SLC44A1: variants seen among roughly 807,000 people sequenced by gnomAD.
SLC44A1 encodes choline transporter-like protein 1.
A neutral mutation model predicts 79.3 loss-of-function variants in SLC44A1; 26 were observed. The observed-to-expected ratio is 0.33, with a 90% CI of 0.24 to 0.46. SLC44A1 has a LOEUF of 0.46. Among genes scored for constraint, SLC44A1 ranks in the 20% least tolerant of loss-of-function variants. The pLI is 1.00. For synonymous variants in SLC44A1, 263 were observed against 286.2 expected (o/e 0.92, Z 0.82); for missense variants, 688 against 798.1 (o/e 0.86, Z 1.66).
At chr9:105,289,346 T>C (rs180687085) in intron 1 of SLC44A1, among the ~76,000 whole-genome samples, 117 of 152,354 alleles carry the variant, frequency 7.7e-4, no homozygotes, top group Non-Finnish European at 1.6e-4. Flanking sequence ...CACATTGTTT[T>C]GCATGGAATA....
intron 5 of SLC44A1, among the ~76,000 whole-genome samples, chr9:105,352,568 A>G (rs1009040103): frequency 5.3e-5 from 8 of 152,240 alleles, no homozygotes; most frequent in African/African-American, 1.4e-4. Context: ...TAATGTGACT[A>G]CATCGACTTA....
chr9:105,436,473 G>A (rs139810597), intron 15 of SLC44A1, among the ~76,000 whole-genome samples: 8 of 152,212 alleles, frequency 5.3e-5, no homozygotes, highest in South Asian at 2.1e-4. Flanking sequence ...CCCAGCTACC[G>A]AGGAGGCTGA....
chr9:105,354,734 A>C (rs1412604200), intron 5 of SLC44A1, among the ~76,000 whole-genome samples: 1 of 152,272 alleles, frequency 6.6e-6, no homozygotes, highest in Non-Finnish European at 1.5e-5. Flanking sequence ...CAAATATGAC[A>C]GCATGAAAGA....
At chr9:105,273,242 T>G (rs1830118626) in intron 1 of SLC44A1, among the ~76,000 whole-genome samples, 1 of 152,190 alleles carries the variant, frequency 6.6e-6, no homozygotes, top group South Asian at 2.1e-4. Context: ...TCCACCTGCT[T>G]CGGCCTCCCA....
chr9:105,410,545 A>G (rs760026308), intron 15 of SLC44A1, among the ~76,000 whole-genome samples: 2 of 152,218 alleles, frequency 1.3e-5, no homozygotes, highest in Non-Finnish European at 2.9e-5. Flanking sequence ...TAGAATGACT[A>G]TACTCAAACA....
intron 3 of SLC44A1, among the ~76,000 whole-genome samples, chr9:105,319,630 T>A (rs746590701): frequency 6.6e-6 from 1 of 152,086 alleles, no homozygotes; most frequent in Non-Finnish European, 1.5e-5. Context: ...CTAAATAGTA[T>A]GTGGAGTGGT....
Position 105,392,783 on chromosome 9 carries a change from A to G in SLC44A1, c.*3727A>G. 1.0e-6 allele frequency: 1 copy of G among 985,384 alleles called. No homozygotes were observed. Among genetic ancestry groups the G allele is most frequent in the Non-Finnish European group, 1.2e-6 (1 of 829,922 alleles). The allele number at this position is 985,384 out of a possible 1,614,324, so 61.0% of individuals were successfully genotyped here. A position where few individuals can be genotyped will look rare whatever the true frequency, so the allele number is the denominator to read the frequency against. The stretch of plus-strand genomic sequence containing the variant: ...TTCTGGGATCAGTTCCAAAACCAGA[A>G]CTGCCAGTAATGGTGACTTGAATAT... On this transcript the variant is annotated 3_prime_UTR_variant, in exon 16 of 16. Coordinates refer to ENST00000374720, the MANE Select transcript of SLC44A1 (RefSeq NM_080546.5).
At chr9:105,313,687 C>T (rs910548443) in intron 3 of SLC44A1, among the ~76,000 whole-genome samples, 3 of 152,046 alleles carry the variant, frequency 2.0e-5, no homozygotes, top group African/African-American at 2.4e-5. Context: ...AGATTGTCTA[C>T]AATCTTTAGG....
intron 14 of SLC44A1, among the ~76,000 whole-genome samples, chr9:105,384,568 C>T (rs1170922570): frequency 6.6e-6 from 1 of 152,126 alleles, no homozygotes; most frequent in African/African-American, 2.4e-5. Context: ...CTGGCAACAT[C>T]AGCTAAATTC....
At chr9:105,267,584 A>AT (rs1173063201) in intron 1 of SLC44A1, among the ~76,000 whole-genome samples, 2 of 151,600 alleles carry the variant, frequency 1.3e-5, no homozygotes, top group Non-Finnish European at 2.9e-5. Context: ...ATGATTTCTA[A>AT]TTTCCTAGTG....
intron 15 of SLC44A1, among the ~76,000 whole-genome samples, chr9:105,423,346 C>A (rs1829278864): frequency 6.6e-6 from 1 of 152,048 alleles, no homozygotes; most frequent in Non-Finnish European, 1.5e-5. Flanking sequence ...TGTCTGTAAT[C>A]CCAGCTGGTC....
At chr9:105,291,195 T>C (rs1413777614) in intron 1 of SLC44A1, among the ~76,000 whole-genome samples, 1 of 152,240 alleles carries the variant, frequency 6.6e-6, no homozygotes, top group Non-Finnish European at 1.5e-5. Context: ...CTCTTTTATT[T>C]TTTTGTTACC....
chr9:105,383,185 C>T lies in SLC44A1; in HGVS notation c.1695C>T (p.Tyr565=). 6.2e-7 allele frequency: 1 copy of T among 1,614,194 alleles called. No homozygotes were observed. The highest frequency in any genetic ancestry group is 8.5e-7 in the Non-Finnish European group (1 of 1,180,020). Residue 565 remains tyrosine (Y), a synonymous_variant, in exon 14 of 16, where the codon TAC becomes TAT. Transcript: ENST00000374720. ...GIMLLNYQQD[Y]TVWVLPLIIV... is the part of the protein sequence containing the mutation. ...TGCTGCTCAACTACCAGCAGGACTA[C>T]ACAGTATGGGTGCTGCCTCTGATCA...
At chr9:105,340,847 A>G (rs1159048034) in intron 4 of SLC44A1, among the ~76,000 whole-genome samples, 1 of 152,152 alleles carries the variant, frequency 6.6e-6, no homozygotes, top group Non-Finnish European at 1.5e-5. Flanking sequence ...TAGGCAAATA[A>G]ATTATTTCCT....
chr9:105,244,993 C>A, intron 1 of SLC44A1, 89 bp downstream of exon 1: 1 of 520,040 alleles, frequency 1.9e-6, no homozygotes, highest in Middle Eastern at 6.9e-4. Context: ...ATACCTCTCG[C>A]TGTCCCCAGC....
intron 3 of SLC44A1, among the ~76,000 whole-genome samples, chr9:105,334,637 C>T (rs915024681): frequency 3.3e-5 from 5 of 152,166 alleles, no homozygotes; most frequent in Non-Finnish European, 5.9e-5. Flanking sequence ...TACTCCCTTC[C>T]TTGATCCGTG....
At chr9:105,417,238 A>T (rs1432901174) in intron 15 of SLC44A1, among the ~76,000 whole-genome samples, 1 of 152,168 alleles carries the variant, frequency 6.6e-6, no homozygotes, top group African/African-American at 2.4e-5. Context: ...AAACCAATTC[A>T]TTGTTTTCTG....
downstream of SLC44A1, among the ~76,000 whole-genome samples, chr9:105,401,719 T>G (rs1322952901): frequency 2.6e-5 from 4 of 152,214 alleles, no homozygotes; most frequent in Non-Finnish European, 5.9e-5. Flanking sequence ...GTGAGGCCCA[T>G]TTCAGATGCA....
At chr9:105,386,514 C>T (rs1246679951) in intron 15 of SLC44A1, 8 of 700,900 alleles carry the variant, frequency 1.1e-5, no homozygotes, top group East Asian at 1.3e-4. Context: ...GCCTGTGGGC[C>T]GCATATGGCT....
Sources: gnomAD v4.1 joint callset for allele counts (sites outside exome capture counted in the v4.1 genomes callset) on GRCh38, gnomAD v4.1.1 for gene constraint, MANE v1.5 for transcripts, NCBI Gene and HGNC (gene_info 2026-07-23, HGNC 2026-07-21) for gene names.